Variants in COL24A1 observed in about 807,000 individuals in gnomAD.
The protein encoded by COL24A1 is collagen alpha-1(XXIV) chain.
A neutral mutation model predicts 253.9 loss-of-function variants in COL24A1; 224 were observed. The observed-to-expected ratio is 0.88, with a 90% confidence interval of 0.79 to 0.99. The LOEUF is 0.99. Ranked by LOEUF, COL24A1 falls within the 50% of genes least tolerant of loss-of-function variation. COL24A1 has a pLI of 0.00. For missense variants in COL24A1, 2,131 were observed against 2,068.5 expected (o/e 1.03, Z -0.59); for synonymous variants, 685 against 673.7 (o/e 1.02, Z -0.26).
chr1:85,776,427 A>G (rs1474304933), intron 52 of COL24A1, among the ~76,000 whole-genome samples: 1 of 152,026 alleles, frequency 6.6e-6, no homozygotes, highest in Non-Finnish European at 1.5e-5. Context: ...GGGTGGACCT[A>G]CTGCTTTTAA....
chr1:86,075,441 C>T (rs1702180803), intron 7 of COL24A1, among the ~76,000 whole-genome samples: 1 of 152,104 alleles, frequency 6.6e-6, no homozygotes, highest in African/African-American at 2.4e-5. Context: ...CAGATGAATT[C>T]ATAGCCGAAT....
Position 86,017,194 on chromosome 1 carries a change from C to A in COL24A1, c.2267G>T (p.Gly756Val). Residue 756 changes from glycine to valine, a missense_variant, in exon 19 of 60, where the codon GGT becomes GTT. Physicochemically the swap from Gly to Val is moderately radical, Grantham distance 109. Transcript: ENST00000370571. ...RGKSGPSGQT[G>V]DPGLQGPSGP... ...AGATGGTCCTTGGAGTCCTGGGTCA[C>A]CTGTTTGGCCCTAAAATGGGGGGGG... is the stretch of plus-strand genomic sequence containing the variant. The A allele has an allele frequency of 6.4e-7, 1 of 1,564,506 alleles. No homozygotes were observed. Among genetic ancestry groups the A allele is most frequent in the Non-Finnish European group, 8.6e-7 (1 of 1,164,086 alleles).
At chr1:85,901,733 A>C (rs1300367434) in intron 28 of COL24A1, among the ~76,000 whole-genome samples, 4 of 137,766 alleles carry the variant, frequency 2.9e-5, no homozygotes, top group African/African-American at 8.0e-5. Context: ...AATTGCTTGA[A>C]CCTGGGAGGC....
At chr1:86,031,973 A>G in intron 13 of COL24A1, 51 bp from the exon 14 acceptor site, 1 of 1,441,220 alleles carries the variant, frequency 6.9e-7, no homozygotes, top group Admixed American at 1.8e-5. Context: ...CCCAACTACT[A>G]AGGGTATTTC....
chr1:85,935,170 A>T (rs1157838659), intron 24 of COL24A1, among the ~76,000 whole-genome samples: 66 of 148,960 alleles, frequency 4.4e-4, no homozygotes, highest in South Asian at 2.1e-3. Flanking sequence ...TTTGAAACTA[A>T]AAAATTTTTA....
At chr1:85,865,319 C>T (rs1679662677) in intron 37 of COL24A1, among the ~76,000 whole-genome samples, 1 of 151,870 alleles carries the variant, frequency 6.6e-6, no homozygotes, top group Non-Finnish European at 1.5e-5. Context: ...CCTTGGATTG[C>T]AAAATTCTTT....
At chr1:85,835,498 G>A (rs534617596) in intron 43 of COL24A1, among the ~76,000 whole-genome samples, 4 of 152,160 alleles carry the variant, frequency 2.6e-5, no homozygotes, top group East Asian at 1.9e-4. Context: ...CTAAGTATTC[G>A]TTAATAATAA....
rs560152324 is a variant in COL24A1, at chr1:86,065,771, A to G, written c.1708-2012T>C. On this transcript the variant is annotated intron_variant, in intron 7 of 59. Transcript: ENST00000370571. ...TAGCAACCTCTAAAAAAAAAAAAAAAAAAGAGAGAGACAAGCTGGGCCAAT... is the reference window on the plus strand; with the variant it reads ...TAGCAACCTCTAAAAAAAAAAAAAAGAAAGAGAGAGACAAGCTGGGCCAAT... 3.0e-3 allele frequency among the ~76,000 whole-genome samples: 463 copies of G among 151,806 alleles called. 8 individuals carry two copies. The East Asian group carries it at 0.044, about 15-fold the overall frequency.
chr1:85,896,779 T>C (rs1333264071), intron 28 of COL24A1, among the ~76,000 whole-genome samples: 1 of 152,194 alleles, frequency 6.6e-6, no homozygotes, highest in East Asian at 1.9e-4. Context: ...ATTACAGGCG[T>C]GAGCCACCAC....
chr1:85,936,536 A>G (rs535663463), intron 24 of COL24A1, among the ~76,000 whole-genome samples: 2 of 147,036 alleles, frequency 1.4e-5, no homozygotes, highest in Non-Finnish European at 3.0e-5. Context: ...ACCATAATAT[A>G]ACATAAATAA....
In COL24A1 at chr1:85,868,507, A is replaced by C; in HGVS notation, c.3300+12T>G. The C allele has an allele frequency of 6.3e-7, 1 of 1,598,232 alleles. No homozygotes were observed. Among genetic ancestry groups the C allele is most frequent in the Non-Finnish European group, 8.6e-7 (1 of 1,165,784 alleles). On this transcript the variant is annotated intron_variant, in intron 37 of 59. Transcript: ENST00000370571. The stretch of plus-strand genomic sequence containing the variant: ...TCACTTAGTATTTGAAAGTGAACCC[A>C]GCAGTACTTACCGGAAGGCCTGTTT...
chr1:85,886,597 G>A (rs1037026453), intron 32 of COL24A1, among the ~76,000 whole-genome samples: 9 of 151,712 alleles, frequency 5.9e-5, no homozygotes, highest in Admixed American at 2.0e-4. Context: ...CCTGGGAGGC[G>A]GAGGTTGCAG....
At chr1:85,814,566 C>A (rs1048897685) in intron 47 of COL24A1, among the ~76,000 whole-genome samples, 1 of 152,148 alleles carries the variant, frequency 6.6e-6, no homozygotes, top group African/African-American at 2.4e-5. Flanking sequence ...TGAAACTGGG[C>A]CCTAGCAGGT....
At chr1:85,848,419 C>T (rs947600965) in intron 38 of COL24A1, among the ~76,000 whole-genome samples, 5 of 152,148 alleles carry the variant, frequency 3.3e-5, no homozygotes, top group Non-Finnish European at 5.9e-5. Context: ...AAGCGATTCT[C>T]CTGCCTCAGC....
intron 14 of COL24A1, among the ~76,000 whole-genome samples, chr1:86,026,212 G>A (rs1698009856): frequency 6.6e-6 from 1 of 152,138 alleles, no homozygotes; most frequent in African/African-American, 2.4e-5. Flanking sequence ...ACTCATTGAG[G>A]AGCAAATAAG....
chr1:85,863,203 A>G (rs1037822585), intron 37 of COL24A1, among the ~76,000 whole-genome samples: 3 of 152,186 alleles, frequency 2.0e-5, no homozygotes, highest in African/African-American at 7.2e-5. Context: ...TTATCAGCTT[A>G]AGGAGATTTT....
intron 8 of COL24A1, among the ~76,000 whole-genome samples, chr1:86,061,126 C>A (rs1701057652): frequency 6.6e-6 from 1 of 151,954 alleles, no homozygotes; most frequent in Non-Finnish European, 1.5e-5. Flanking sequence ...ATCAGCAAGT[C>A]TAATTCCAGA....
intron 7 of COL24A1, among the ~76,000 whole-genome samples, chr1:86,087,113 C>T (rs1703116448): frequency 1.3e-5 from 2 of 152,194 alleles, no homozygotes; most frequent in South Asian, 4.2e-4. Context: ...ACGCCAAGAT[C>T]CCTGACTTCT....
intron 1 of COL24A1, among the ~76,000 whole-genome samples, chr1:86,151,647 C>T (rs1652790289): frequency 6.6e-6 from 1 of 152,120 alleles, no homozygotes; most frequent in African/African-American, 2.4e-5. Flanking sequence ...GACTAATACC[C>T]ATTCCAGGCA....
Sources: gnomAD v4.1 joint callset for allele counts (sites outside exome capture counted in the v4.1 genomes callset) on GRCh38, gnomAD v4.1.1 for gene constraint, MANE v1.5 for transcripts, NCBI Gene and HGNC (gene_info 2026-07-23, HGNC 2026-07-21) for gene names.